Variants in SRGAP1 observed in about 807,000 individuals in gnomAD.
The protein encoded by SRGAP1 is SLIT-ROBO Rho GTPase-activating protein 1.
SRGAP1 carries 43 observed loss-of-function variants against 121.9 expected under a neutral mutation model. The observed-to-expected ratio is 0.35, with a 90% CI of 0.28 to 0.46. The LOEUF is 0.46. Among genes scored for constraint, SRGAP1 ranks in the 20% least tolerant of loss-of-function variants. SRGAP1 has a pLI of 1.00. For missense variants in SRGAP1, 1,102 were observed against 1,350.9 expected, an observed-to-expected ratio of 0.82 and a Z score of 2.89; for synonymous variants, 447 against 485.4, an observed-to-expected ratio of 0.92 and a Z score of 1.04.
At chr12:63,909,442 T>G (rs1286471866) in intron 1 of SRGAP1, among the ~76,000 whole-genome samples, 2 of 152,230 alleles carry the variant, frequency 1.3e-5, no homozygotes, top group Non-Finnish European at 2.9e-5. Context: ...AGATATACTT[T>G]GCATTCTGGC....
rs115163787 is a variant in SRGAP1 at position 63,972,349 on chromosome 12, A to G, written c.68-11598A>G. 2.3e-3 allele frequency among the ~76,000 whole-genome samples: 349 copies of G among 152,364 alleles called. 2 individuals carry two copies. Among genetic ancestry groups the G allele is most frequent in the African/African-American group, 8.2e-3 (339 of 41,592 alleles). On this transcript the variant is annotated intron_variant, in intron 1 of 21. Transcript: ENST00000355086. ...GATGTTTAGAACATTATGATATTCAATGGATCTAACTGGAATTCTTTTCCA... is the reference window on the plus strand; with the variant it reads ...GATGTTTAGAACATTATGATATTCAGTGGATCTAACTGGAATTCTTTTCCA...
chr12:64,138,856 A>T (rs567477222), intron 21 of SRGAP1, among the ~76,000 whole-genome samples: 3 of 152,274 alleles, frequency 2.0e-5, no homozygotes, highest in African/African-American at 7.2e-5. Context: ...AATTGAGTTA[A>T]CTCAAATTCC....
chr12:64,040,040 A>G (rs2034983906), intron 4 of SRGAP1, among the ~76,000 whole-genome samples: 3 of 152,122 alleles, frequency 2.0e-5, no homozygotes, highest in Non-Finnish European at 4.4e-5. Flanking sequence ...ACCAGCTTAC[A>G]TTTTTAAGGA....
intron 4 of SRGAP1, among the ~76,000 whole-genome samples, chr12:64,033,078 G>A (rs1046707223): frequency 2.6e-5 from 4 of 152,090 alleles, no homozygotes; most frequent in African/African-American, 9.7e-5. Context: ...TAACACTACA[G>A]TGAACAGAAG....
intron 1 of SRGAP1, among the ~76,000 whole-genome samples, chr12:63,898,442 T>A (rs1398971790): frequency 6.6e-6 from 1 of 152,252 alleles, no homozygotes; most frequent in Non-Finnish European, 1.5e-5. Context: ...TCCCTTCTGA[T>A]AATTTTAAAA....
chr12:64,153,398 A>G lies in SRGAP1; in HGVS notation c.*10726A>G, dbSNP rs1352500692. 1 of 151,522 alleles carries G rather than the reference A, an allele frequency of 6.6e-6. No homozygotes were observed. The highest frequency in any genetic ancestry group is 1.9e-4 in the East Asian group (1 of 5,156). The allele number at this position is 151,522 out of a possible 1,614,324, so 9.4% of individuals were successfully genotyped here. The stretch of plus-strand genomic sequence containing the variant: ...TGAAGCAGGGGAATTGCTTGAACCC[A>G]TGAGACGGAGGTTGCAGTGACCCGA... On this transcript the variant is annotated 3_prime_UTR_variant, in exon 22 of 22. Transcript: ENST00000355086.
intron 8 of SRGAP1, among the ~76,000 whole-genome samples, chr12:64,065,807 A>G (rs902030481): frequency 6.6e-6 from 1 of 152,192 alleles, no homozygotes; most frequent in African/African-American, 2.4e-5. Flanking sequence ...GGTACTGAAC[A>G]TGGCATTACT....
chr12:63,877,190 C>T (rs904179791), intron 1 of SRGAP1, among the ~76,000 whole-genome samples: 1 of 152,156 alleles, frequency 6.6e-6, no homozygotes, highest in African/African-American at 2.4e-5. Flanking sequence ...CGCCATTACA[C>T]TCCAGCTTGG....
chr12:64,035,106 G>T (rs1031235907), intron 4 of SRGAP1, among the ~76,000 whole-genome samples: 2 of 136,144 alleles, frequency 1.5e-5, no homozygotes, highest in African/African-American at 5.5e-5. Context: ...GCCTTAAGTG[G>T]GAGGTGGGGG....
intron 15 of SRGAP1, among the ~76,000 whole-genome samples, chr12:64,101,308 G>GGTGTGTGT (rs59020353): frequency 0.049 from 6,740 of 137,996 alleles, 236 homozygotes; most frequent in African/African-American, 0.059. Context: ...TGGGGAAAGG[G>GGTGTGTGT]GTGTGTGTGT....
chr12:64,136,216 A>G (rs1180175598), intron 21 of SRGAP1, among the ~76,000 whole-genome samples: 2 of 152,184 alleles, frequency 1.3e-5, no homozygotes, highest in Non-Finnish European at 2.9e-5. Flanking sequence ...AGTATTAACC[A>G]TCACACTAAG....
At chr12:64,142,024 G>A (rs2036973018) in intron 21 of SRGAP1, among the ~76,000 whole-genome samples, 2 of 152,228 alleles carry the variant, frequency 1.3e-5, no homozygotes, top group East Asian at 1.9e-4. Flanking sequence ...CAGCATGCAA[G>A]GCAGAGACCA....
intron 6 of SRGAP1, among the ~76,000 whole-genome samples, chr12:64,050,253 T>C (rs1287099529): frequency 6.6e-6 from 1 of 152,200 alleles, no homozygotes; most frequent in Non-Finnish European, 1.5e-5. Flanking sequence ...TTTGCTTATC[T>C]GTTCTAATAG....
chr12:64,074,183 A>G (rs2035693256), intron 8 of SRGAP1, among the ~76,000 whole-genome samples: 2 of 152,202 alleles, frequency 1.3e-5, no homozygotes, highest in South Asian at 4.1e-4. Flanking sequence ...CATCATGTTC[A>G]TTCCCACTCT....
chr12:64,100,774 A>C (rs778637738), intron 15 of SRGAP1, among the ~76,000 whole-genome samples: 1 of 152,154 alleles, frequency 6.6e-6, no homozygotes, highest in African/African-American at 2.4e-5. Context: ...GGATGTTATT[A>C]TCTCTAAGCA....
chr12:64,095,080 G>A lies in SRGAP1; in HGVS notation c.1601-47G>A, dbSNP rs757914626. 3.7e-6 allele frequency: 6 copies of A among 1,609,506 alleles called. No individual in the cohort carries two copies. The Admixed American group carries it at 8.3e-5, about 22-fold the overall frequency. ...TACTTCCTGGGAAAAGAGGGACCTAGACAATGTGATGGGGGTTTTATCCTC... is the reference window on the plus strand; with the variant it reads ...TACTTCCTGGGAAAAGAGGGACCTAAACAATGTGATGGGGGTTTTATCCTC... On this transcript the variant is annotated intron_variant, in intron 13 of 21. Coordinates refer to ENST00000355086, the MANE Select transcript of SRGAP1 (RefSeq NM_020762.4).
chr12:63,984,009 C>T lies in SRGAP1; in HGVS notation c.130C>T (p.Gln44Ter), dbSNP rs755450333. ...CLEQQTEMRV[Q>*]LLQDLQDFFR... ...GGAGCAGCAAACGGAGATGCGAGTT[C>T]AGCTTCTCCAGGATCTGCAAGATTT... is the stretch of plus-strand genomic sequence containing the variant. The change falls in exon 2 of 22, where the codon CAG (glutamine) becomes TAG (stop). Residue 44 changes from glutamine (Q) to a stop codon, truncating the protein, a stop_gained. Transcript: ENST00000355086. LOFTEE classifies it high-confidence loss of function. 6.3e-7 allele frequency: 1 copy of T among 1,576,150 alleles called. No homozygotes were observed. Among genetic ancestry groups the T allele is most frequent in the Non-Finnish European group, 8.6e-7 (1 of 1,156,158 alleles).
At chr12:64,061,445 A>G (rs1459936796) in intron 6 of SRGAP1, among the ~76,000 whole-genome samples, 9 of 152,224 alleles carry the variant, frequency 5.9e-5, no homozygotes, top group Admixed American at 3.3e-4. Flanking sequence ...AAATGATTGT[A>G]TCAGTATCAG....
At chr12:64,012,758 C>G (rs1245994878) in intron 3 of SRGAP1, among the ~76,000 whole-genome samples, 1 of 151,780 alleles carries the variant, frequency 6.6e-6, no homozygotes, top group African/African-American at 2.4e-5. Context: ...CCCATATTCC[C>G]CAGGCTGGTC....
Sources: gnomAD v4.1 joint callset for allele counts (sites outside exome capture counted in the v4.1 genomes callset) on GRCh38, gnomAD v4.1.1 for gene constraint, MANE v1.5 for transcripts, NCBI Gene and HGNC (gene_info 2026-07-23, HGNC 2026-07-21) for gene names.